Variants in NIT1 observed in about 807,000 individuals in gnomAD.
The protein encoded by NIT1 is deaminated glutathione amidase.
Under a neutral mutation model 36.8 loss-of-function variants are expected in NIT1, and 30 were observed. The ratio of observed to expected loss-of-function variants is 0.82; its 90% CI spans 0.61 to 1.11. The LOEUF is 1.11. Among genes scored for constraint, NIT1 ranks in the 50% least tolerant of loss-of-function variants. NIT1 has a pLI of 0.00. For synonymous variants in NIT1, 151 were observed against 155.6 expected (o/e 0.97, Z 0.22); for missense variants, 438 against 410.6 (o/e 1.07, Z -0.58).
chr1:161,120,907 G>A lies in NIT1; in HGVS notation c.*142G>A. 1.4e-6 allele frequency: 2 copies of A among 1,433,724 alleles called. No homozygotes were observed. Among genetic ancestry groups the A allele is most frequent in the Non-Finnish European group, 1.8e-6 (2 of 1,098,224 alleles). 88.8% of individuals were successfully genotyped at this position (1,433,724 alleles called of 1,614,324 possible). ...TTGACTCTCTTGATGGAACACAGAT[G>A]GGCTGCTTGGGAAAGAAACTTTCAC... On this transcript the variant is annotated 3_prime_UTR_variant, in exon 7 of 7. Transcript: ENST00000368009.
At position 161,121,063 on chromosome 1, in the gene NIT1, A is replaced by C; in HGVS notation, c.*298A>C. On this transcript the variant is annotated 3_prime_UTR_variant, in exon 7 of 7. Transcript: ENST00000368009. ...GGCATTGAAAAATATAATAATCATA[A>C]AGTCTGTGTCTGGACATCGCCTTTG... 1 of 1,230,494 alleles carries C rather than the reference A, an allele frequency of 8.1e-7. No homozygotes were observed. The highest frequency in any genetic ancestry group is 1.9e-5 in the South Asian group (1 of 53,920). 76.2% of individuals were successfully genotyped at this position (1,230,494 alleles called of 1,614,324 possible). A position where few individuals can be genotyped will look rare whatever the true frequency, so the allele number is the denominator to read the frequency against.
In NIT1 at chr1:161,120,570, T is replaced by A. The variant is rs757526889; in HGVS notation, c.789T>A (p.His263Gln). The change falls in exon 7 of 7, where the codon CAT becomes CAA. Residue 263 changes from histidine (H) to glutamine (Q), a missense_variant. Physicochemically the swap from His to Gln is conservative, Grantham distance 24 (BLOSUM62 0). Transcript: ENST00000368009. ...CAGCAGCACAGTGTGGACGCCACCATGAGAAGAGAGCAAGTTATGGCCACA... is the reference window on the plus strand; with the variant it reads ...CAGCAGCACAGTGTGGACGCCACCAAGAGAAGAGAGCAAGTTATGGCCACA... Reference protein sequence around the residue: ...VVAAAQCGRHHEKRASYGHSM... With the variant: ...VVAAAQCGRHQEKRASYGHSM... 1.2e-6 allele frequency: 2 copies of A among 1,614,126 alleles called. No homozygotes were observed. Among genetic ancestry groups the A allele is most frequent in the East Asian group, 2.2e-5 (1 of 44,876 alleles).
chr1:161,120,555 G>T lies in NIT1; in HGVS notation c.774G>T (p.Gln258His), dbSNP rs184919184. ...ETQCYVVAAA[Q>H]CGRHHEKRAS... The stretch of plus-strand genomic sequence containing the variant: ...AGTGCTATGTAGTGGCAGCAGCACA[G>T]TGTGGACGCCACCATGAGAAGAGAG... The change falls in exon 7 of 7, where the codon CAG becomes CAT. Residue 258 changes from glutamine (Q) to histidine (H), a missense_variant. Physicochemically the swap from Gln to His is conservative, Grantham distance 24. Transcript: ENST00000368009. The T allele has an allele frequency of 1.1e-5, 17 of 1,614,202 alleles. No homozygotes were observed. The highest frequency in any genetic ancestry group is 3.3e-5 in the Admixed American group (2 of 60,026).
downstream of NIT1, chr1:161,123,179 G>A (rs1339009294): frequency 1.2e-6 from 2 of 1,614,174 alleles, no homozygotes; most frequent in Non-Finnish European, 1.7e-6. Context: ...ACACATCTGA[G>A]GACCCGAAGT....
At chr1:161,118,648 A>T in intron 1 of NIT1, 138 bp from the exon 2 acceptor site, 1 of 1,519,524 alleles carries the variant, frequency 6.6e-7, no homozygotes. Context: ...ATAATTTCTT[A>T]TAAAGAGCGT....
At chr1:161,119,683 CAACTCTT>C (rs1318774313) in intron 4 of NIT1, 71 bp downstream of exon 4, 1 of 1,586,182 alleles carries the variant, frequency 6.3e-7, no homozygotes, top group African/African-American at 1.3e-5. Context: ...AATTGTTTCT[CAACTCTT>C]ATTTCCTTGA....
intron 2 of NIT1, 48 bp downstream of exon 2, chr1:161,118,929 T>C: frequency 6.9e-7 from 1 of 1,454,830 alleles, no homozygotes; most frequent in Non-Finnish European, 9.7e-7. Context: ...AGATGCTCAG[T>C]TTGTTAAATG....
At position 161,118,311 on chromosome 1, in the gene NIT1, G is replaced by A. The variant is rs530346913; in HGVS notation, c.2+133G>A. The A allele has an allele frequency of 5.0e-4, 781 of 1,556,242 alleles. 6 individuals carry two copies. The Middle Eastern group carries it at 5.1e-3, about 10-fold the overall frequency. On this transcript the variant is annotated intron_variant, in intron 1 of 6. Coordinates refer to ENST00000368009, the MANE Select transcript of NIT1 (RefSeq NM_005600.3). ...CTGGAGCGGGCGGCGGGAGGGTGGA[G>A]GGCGGGGCGCGGCTTGGGGCCTGGG...
downstream of NIT1, chr1:161,124,396 G>C (rs1655930673): frequency 6.2e-7 from 1 of 1,613,576 alleles, no homozygotes; most frequent in East Asian, 2.2e-5. Flanking sequence ...AGGCTGTACA[G>C]CCCATGTTCC....
chr1:161,122,882 CAA>C (rs1207866192), downstream of NIT1: 25 of 1,024,500 alleles, frequency 2.4e-5, no homozygotes, highest in East Asian at 5.0e-5. The surrounding 1 kb of genome is among the most constrained non-coding windows in gnomAD (Gnocchi z 4.2). Flanking sequence ...TATTAACTAA[CAA>C]GAGTTGAAAT....
downstream of NIT1, chr1:161,122,042 G>T (rs969645066): frequency 2.5e-6 from 3 of 1,199,862 alleles, no homozygotes; most frequent in Non-Finnish European, 3.4e-6. This position sits in a 1 kb window ranked among gnomAD's most constrained non-coding sequence, Gnocchi z 4.2. Context: ...AAAAAAAAAA[G>T]GCAGGGGTGT....
chr1:161,122,585 A>G (rs1655626157), downstream of NIT1: 2 of 1,555,184 alleles, frequency 1.3e-6, no homozygotes, highest in Middle Eastern at 1.7e-4. This position sits in a 1 kb window ranked among gnomAD's most constrained non-coding sequence, Gnocchi z 4.2. Context: ...TTACAAGCCA[A>G]GCTTGAAAAC....
rs749144819 is a variant in NIT1 at position 161,120,757 on chromosome 1, C to G, written c.976C>G (p.Leu326Val). Residue 326 changes from leucine (L) to valine (V), a missense_variant, in exon 7 of 7, where the codon CTG (leucine) becomes GTG (valine). Transcript: ENST00000368009. Reference protein sequence around the residue: ...PDLYGNLGHPLS With the variant: ...PDLYGNLGHPVS ...CCTCTATGGCAATCTGGGTCACCCA[C>G]TGTCTTAAGACTTGACTTCTGTGAG... is the stretch of plus-strand genomic sequence containing the variant. 5 of 1,613,102 alleles carry G rather than the reference C, an allele frequency of 3.1e-6. No individual in the cohort carries two copies. Among genetic ancestry groups the G allele is most frequent in the South Asian group, 2.2e-5 (2 of 91,072 alleles).
At chr1:161,124,278 C>T (rs1417409121), downstream of NIT1, 2 of 1,614,228 alleles carry the variant, frequency 1.2e-6, no homozygotes, top group Non-Finnish European at 1.7e-6. Flanking sequence ...ACGTCCATTT[C>T]GGATGAGTCC....
At chr1:161,123,751 T>A, downstream of NIT1, 12 of 1,212,310 alleles carry the variant, frequency 9.9e-6, no homozygotes, top group South Asian at 1.4e-4. Context: ...CAGCATCCTT[T>A]CATTTAAGCT....
At chr1:161,121,217 C>T, downstream of NIT1, 3 of 992,522 alleles carry the variant, frequency 3.0e-6, no homozygotes, top group Non-Finnish European at 3.6e-6. Context: ...GCCCCATTCT[C>T]CCAAGCATGG....
Position 161,119,526 on chromosome 1 carries a change from T to A in NIT1, c.371T>A (p.Leu124Gln). ...TQLARECGLWLSLGGFHERGQ... is the reference protein window; with the variant it reads ...TQLARECGLWQSLGGFHERGQ... ...CCCCCCAGGGAATGTGGACTCTGGCTGTCCTTGGGTGGTTTCCATGAGCGT... is the reference window on the plus strand; with the variant it reads ...CCCCCCAGGGAATGTGGACTCTGGCAGTCCTTGGGTGGTTTCCATGAGCGT... Residue 124 changes from leucine to glutamine, a missense_variant, in exon 4 of 7, where the codon CTG becomes CAG. Leu to Gln is a moderately radical substitution (Grantham distance 113). Coordinates refer to ENST00000368009, the MANE Select transcript of NIT1 (RefSeq NM_005600.3). The A allele has an allele frequency of 6.2e-7, 1 of 1,614,178 alleles. No homozygotes were observed.
Position 161,120,148 on chromosome 1 carries a change from C to A in NIT1, c.633C>A (p.Leu211=), listed in dbSNP as rs747563130. 6.2e-6 allele frequency: 10 copies of A among 1,614,076 alleles called. No homozygotes were observed. The highest frequency in any genetic ancestry group is 4.0e-5 in the African/African-American group (3 of 74,928). ...AVCYDMRFPE[L]SLALAQAGAE... Reference sequence around the variant, plus strand: ...GCTATGACATGCGGTTCCCTGAACTCTCTCTGGCATTGGCTCAAGCTGGAG... The same window carrying A: ...GCTATGACATGCGGTTCCCTGAACTATCTCTGGCATTGGCTCAAGCTGGAG... The change falls in exon 6 of 7, where the codon CTC becomes CTA. Residue 211 remains leucine, a synonymous_variant. Transcript: ENST00000368009.
At chr1:161,123,859 G>A (rs771941069), downstream of NIT1, 5 of 1,613,830 alleles carry the variant, frequency 3.1e-6, no homozygotes, top group African/African-American at 2.7e-5. Context: ...GGGCTGGGGA[G>A]GCCTTGGTTC....
Sources: gnomAD v4.1 joint callset for allele counts on GRCh38, gnomAD v4.1.1 for gene constraint, Gnocchi (gnomAD v3.1) non-coding constraint, MANE v1.5 for transcripts, NCBI Gene and HGNC (gene_info 2026-07-23, HGNC 2026-07-21) for gene names.